SLC44A5: variants seen among roughly 807,000 people sequenced by gnomAD.
SLC44A5 encodes solute carrier family 44 member 5.
Under a neutral mutation model 101.8 loss-of-function variants are expected in SLC44A5, and 57 were observed. That is an observed-to-expected ratio of 0.56 (90% CI 0.45 to 0.70). SLC44A5 has a LOEUF of 0.70. Ranked by LOEUF, SLC44A5 falls within the 30% of genes least tolerant of loss-of-function variation. The probability of loss-of-function intolerance (pLI) is 0.00; values close to 1 mark genes in which losing one functional copy is unlikely to be tolerated. For synonymous variants in SLC44A5, 281 were observed against 290.9 expected (o/e 0.97, Z 0.35); for missense variants, 737 against 853.1 (o/e 0.86, Z 1.70).
chr1:75,631,569 C>G, the SLC44A5 span, among the ~76,000 whole-genome samples: 1 of 94,902 alleles, frequency 1.1e-5, no homozygotes. Flanking sequence ...TTTTTTGAGA[C>G]AGAGTTTTGC....
chr1:75,551,632 G>A (rs1482260501), intron 1 of SLC44A5, among the ~76,000 whole-genome samples: 1 of 151,872 alleles, frequency 6.6e-6, no homozygotes, highest in African/African-American at 2.4e-5. Flanking sequence ...TAACCTCTAG[G>A]TGTCCACATA....
chr1:75,234,017 G>T lies in SLC44A5; in HGVS notation c.822C>A (p.Phe274Leu). Residue 274 changes from phenylalanine (F) to leucine (L), a missense_variant, in exon 12 of 24, where the codon TTC (phenylalanine) becomes TTA (leucine). Physicochemically the swap from Phe to Leu is conservative, Grantham distance 22. Coordinates refer to ENST00000370859, the MANE Select transcript of SLC44A5 (RefSeq NM_001130058.2). Reference sequence around the variant, plus strand: ...CTATAATTCCAATCACACCAATCATGAAGACCCAGAAGAGGCATCCAGCTA... The same window carrying T: ...CTATAATTCCAATCACACCAATCATTAAGACCCAGAAGAGGCATCCAGCTA... ...RFIAGCLFWVFMIGVIGIIGY... is the reference protein window; with the variant it reads ...RFIAGCLFWVLMIGVIGIIGY... 1 of 1,613,134 alleles carries T rather than the reference G, an allele frequency of 6.2e-7. No individual in the cohort carries two copies. Among genetic ancestry groups the T allele is most frequent in the Non-Finnish European group, 8.5e-7 (1 of 1,179,368 alleles).
At chr1:75,347,053 T>C (rs1227270773) in intron 3 of SLC44A5, among the ~76,000 whole-genome samples, 1 of 152,166 alleles carries the variant, frequency 6.6e-6, no homozygotes, top group Non-Finnish European at 1.5e-5. Context: ...TAAATAAATA[T>C]AAGAATTAAG....
intron 2 of SLC44A5, among the ~76,000 whole-genome samples, chr1:75,442,703 AG>A (rs1239820507): frequency 6.6e-6 from 1 of 152,064 alleles, no homozygotes; most frequent in Admixed American, 6.6e-5. Context: ...AGTTCAGCGA[AG>A]ACTCTTTCAC....
At chr1:75,610,793 T>C (rs1466387898) in intron 1 of SLC44A5, among the ~76,000 whole-genome samples, 1 of 152,058 alleles carries the variant, frequency 6.6e-6, no homozygotes, top group African/African-American at 2.4e-5. Context: ...TTGGGTCACC[T>C]TACTTGGCCT....
At chr1:75,705,460 A>G in the SLC44A5 span, among the ~76,000 whole-genome samples, 3 of 152,190 alleles carry the variant, frequency 2.0e-5, no homozygotes, top group African/African-American at 7.2e-5. Flanking sequence ...TCAGGTTTAC[A>G]CTTTCCTCTT....
At chr1:75,702,139 C>A in the SLC44A5 span, among the ~76,000 whole-genome samples, 1 of 152,002 alleles carries the variant, frequency 6.6e-6, no homozygotes, top group African/African-American at 2.4e-5. Context: ...ACTTTCTTCA[C>A]AGAATTGGAA....
intron 1 of SLC44A5, among the ~76,000 whole-genome samples, chr1:75,572,066 G>A (rs564540758): frequency 2.6e-5 from 4 of 152,332 alleles, no homozygotes; most frequent in African/African-American, 9.6e-5. Context: ...AAGTGTGAAA[G>A]TAGAATAAAG....
At chr1:75,479,577 T>G (rs1357530466) in intron 2 of SLC44A5, among the ~76,000 whole-genome samples, 6 of 152,204 alleles carry the variant, frequency 3.9e-5, no homozygotes, top group Non-Finnish European at 4.4e-5. Context: ...ATATCACCAC[T>G]GATCCCACAG....
intron 13 of SLC44A5, 52 bp downstream of exon 13, chr1:75,227,674 G>T (rs1343256966): frequency 1.4e-6 from 2 of 1,454,906 alleles, no homozygotes; most frequent in South Asian, 1.5e-5. Flanking sequence ...TAGGCAAAAA[G>T]ATATTTTCTC....
At chr1:75,599,583 G>A (rs1674854231) in intron 1 of SLC44A5, among the ~76,000 whole-genome samples, 1 of 152,156 alleles carries the variant, frequency 6.6e-6, no homozygotes, top group East Asian at 1.9e-4. Context: ...TGTTATGGGA[G>A]CAATGAGAAA....
At chr1:75,510,063 T>C (rs1669481590) in intron 2 of SLC44A5, among the ~76,000 whole-genome samples, 1 of 152,138 alleles carries the variant, frequency 6.6e-6, no homozygotes, top group Non-Finnish European at 1.5e-5. Flanking sequence ...TCAGATCTCA[T>C]GAGACTTATT....
intron 3 of SLC44A5, among the ~76,000 whole-genome samples, chr1:75,343,906 ATTTCTT>A (rs1420184832): frequency 9.9e-5 from 15 of 152,240 alleles, no homozygotes; most frequent in Non-Finnish European, 1.5e-4. Context: ...GTTCTTAGCC[ATTTCTT>A]ACAGGATGAT....
intron 1 of SLC44A5, among the ~76,000 whole-genome samples, chr1:75,596,801 A>T (rs1351357226): frequency 6.6e-6 from 1 of 152,164 alleles, no homozygotes; most frequent in Non-Finnish European, 1.5e-5. Context: ...ACCCTACCTC[A>T]AAACAATAAG....
chr1:75,711,016 A>C, the SLC44A5 span, among the ~76,000 whole-genome samples: 3 of 152,222 alleles, frequency 2.0e-5, no homozygotes, highest in Admixed American at 6.5e-5. Flanking sequence ...TTTAGCTTGC[A>C]CATGACAATC....
chr1:75,432,476 T>C (rs1664668250), intron 2 of SLC44A5, among the ~76,000 whole-genome samples: 1 of 152,166 alleles, frequency 6.6e-6, no homozygotes, highest in South Asian at 2.1e-4. Context: ...CTCTCAAAAA[T>C]GTTTAAATAT....
At chr1:75,287,077 T>G (rs1295697045) in intron 5 of SLC44A5, among the ~76,000 whole-genome samples, 1 of 152,182 alleles carries the variant, frequency 6.6e-6, no homozygotes, top group Non-Finnish European at 1.5e-5. Context: ...TGAACACAAA[T>G]TATTCTTAAA....
At chr1:75,311,497 T>C in intron 4 of SLC44A5, 1 of 940,742 alleles carries the variant, frequency 1.1e-6, no homozygotes, top group Non-Finnish European at 1.3e-6. Flanking sequence ...TCAGTTCTCT[T>C]ACAACAAAGC....
chr1:75,396,316 A>G (rs1178866116), intron 3 of SLC44A5, among the ~76,000 whole-genome samples: 1 of 152,142 alleles, frequency 6.6e-6, no homozygotes, highest in Non-Finnish European at 1.5e-5. Context: ...AGAAGACAAG[A>G]TGTGTCAGGT....
Sources: allele counts gnomAD v4.1 joint callset (sites outside exome capture counted in the v4.1 genomes callset), GRCh38; gene constraint gnomAD v4.1.1; transcripts MANE v1.5; gene names NCBI Gene and HGNC (gene_info 2026-07-23, HGNC 2026-07-21).